RFC3: variants seen among roughly 807,000 people sequenced by gnomAD.
The protein encoded by RFC3 is replication factor C subunit 3, also known as A1 38 kDa subunit.
RFC3 carries 41 observed loss-of-function variants against 45.1 expected under a neutral mutation model. The observed-to-expected ratio is 0.91, with a 90% confidence interval of 0.71 to 1.18. The LOEUF is 1.18. RFC3 is among the 50% of genes most tolerant of loss of function. RFC3 has a pLI of 0.00. For missense variants in RFC3, 423 were observed against 428.1 expected, an observed-to-expected ratio of 0.99 and a Z score of 0.10; for synonymous variants, 149 against 144.0, an observed-to-expected ratio of 1.03 and a Z score of -0.25.
At chr13:33,820,096 C>T (rs3135549) in intron 1 of RFC3, among the ~76,000 whole-genome samples, 33,428 of 152,126 alleles carry the variant, frequency 0.22, 5,718 homozygotes, top group African/African-American at 0.45. Context: ...CCTTACAAGA[C>T]TTTATGCTCC....
At chr13:33,888,495 G>A (rs1210342108) in intron 8 of RFC3, among the ~76,000 whole-genome samples, 2 of 152,154 alleles carry the variant, frequency 1.3e-5, no homozygotes, top group Non-Finnish European at 2.9e-5. Flanking sequence ...AAGTGCGGAA[G>A]CCGAGTAGCC....
chr13:33,899,020 C>G (rs2137660534), intron 8 of RFC3, among the ~76,000 whole-genome samples: 1 of 151,368 alleles, frequency 6.6e-6, no homozygotes. Flanking sequence ...AAAAAGTCTC[C>G]CATCAAATAA....
At chr13:33,874,355 T>C (rs559453675) in intron 8 of RFC3, among the ~76,000 whole-genome samples, 1 of 152,318 alleles carries the variant, frequency 6.6e-6, no homozygotes, top group East Asian at 1.9e-4. Context: ...TCTCACTCTG[T>C]TATCCAGGCT....
chr13:33,950,713 C>T (rs765555143), intron 8 of RFC3, among the ~76,000 whole-genome samples: 1 of 152,204 alleles, frequency 6.6e-6, no homozygotes, highest in Non-Finnish European at 1.5e-5. Context: ...TTGCCTGAAG[C>T]AAGATCTGGA....
intron 8 of RFC3, among the ~76,000 whole-genome samples, chr13:33,905,096 A>G (rs994629718): frequency 3.9e-5 from 6 of 152,052 alleles, no homozygotes; most frequent in African/African-American, 1.2e-4. Context: ...GGTACTGGGT[A>G]TACGAGTGCA....
intron 8 of RFC3, chr13:33,848,652 A>G (rs1455582343): frequency 1.3e-5 from 2 of 152,018 alleles, no homozygotes; most frequent in Non-Finnish European, 2.9e-5. Context: ...TTGTAGATGG[A>G]TGTTGCTTTC....
intron 8 of RFC3, among the ~76,000 whole-genome samples, chr13:33,932,725 T>A (rs1434496948): frequency 6.6e-6 from 1 of 152,186 alleles, no homozygotes; most frequent in African/African-American, 2.4e-5. Flanking sequence ...ATGGTCCACA[T>A]GCATAAACCA....
chr13:33,855,595 A>G (rs1379661387), intron 8 of RFC3, among the ~76,000 whole-genome samples: 1 of 152,220 alleles, frequency 6.6e-6, no homozygotes, highest in East Asian at 1.9e-4. Flanking sequence ...TCCCACCAGC[A>G]GTGTATAAGC....
At chr13:33,940,211 T>G (rs1016779493) in intron 8 of RFC3, among the ~76,000 whole-genome samples, 13 of 152,218 alleles carry the variant, frequency 8.5e-5, no homozygotes, top group African/African-American at 2.7e-4. Context: ...TTTAATATGT[T>G]AATCAAATGT....
intron 8 of RFC3, among the ~76,000 whole-genome samples, chr13:33,923,027 A>C (rs1443562139): frequency 6.6e-6 from 1 of 152,140 alleles, no homozygotes; most frequent in Non-Finnish European, 1.5e-5. Context: ...CCATTTATTA[A>C]AGTTTAAGAA....
downstream of RFC3, among the ~76,000 whole-genome samples, chr13:33,969,169 A>G (rs150357071): frequency 3.9e-5 from 6 of 152,350 alleles, no homozygotes; most frequent in Middle Eastern, 3.4e-3. Flanking sequence ...ATATTGTATC[A>G]CAGGTTCTTC....
At chr13:33,825,271 A>C (rs1190325687) in intron 3 of RFC3, among the ~76,000 whole-genome samples, 1 of 152,140 alleles carries the variant, frequency 6.6e-6, no homozygotes, top group Non-Finnish European at 1.5e-5. Flanking sequence ...TCTTAAACTC[A>C]ATTTGCTTAT....
chr13:33,900,230 G>A (rs1306441299), intron 8 of RFC3, among the ~76,000 whole-genome samples: 1 of 151,568 alleles, frequency 6.6e-6, no homozygotes, highest in Non-Finnish European at 1.5e-5. Context: ...AAGCAATCCC[G>A]AGAAAAAAGA....
chr13:33,857,455 G>A (rs2082314975), intron 8 of RFC3, among the ~76,000 whole-genome samples: 1 of 152,180 alleles, frequency 6.6e-6, no homozygotes, highest in Non-Finnish European at 1.5e-5. Flanking sequence ...GCAGAGCTCA[G>A]TGCAGGGTGT....
intron 8 of RFC3, among the ~76,000 whole-genome samples, chr13:33,910,494 C>G (rs2082697387): frequency 6.6e-6 from 1 of 152,068 alleles, no homozygotes. Context: ...CAACAGAGAA[C>G]AGTGTAACAA....
chr13:33,828,659 T>C (rs2082073863), intron 4 of RFC3, among the ~76,000 whole-genome samples: 1 of 152,206 alleles, frequency 6.6e-6, no homozygotes, highest in Admixed American at 6.5e-5. Context: ...TTCAGTCTCC[T>C]GGGACTACAG....
At position 33,887,474 on chromosome 13, in the gene RFC3, A is replaced by G. The variant is rs867287431; in HGVS notation, c.879+52257A>G. 5.0e-3 allele frequency among the ~76,000 whole-genome samples: 760 copies of G among 151,864 alleles called. 7 individuals carry two copies. Among genetic ancestry groups the G allele is most frequent in the African/African-American group, 0.018 (734 of 41,350 alleles). On this transcript the variant is annotated intron_variant, in intron 8 of 8. Transcript: ENST00000434425. Reference sequence around the variant, plus strand: ...GTTCATGTCCTTTGCCCACTTTTTGATGGTGTTGTTTGGTTTTTTCTTGTA... The same window carrying G: ...GTTCATGTCCTTTGCCCACTTTTTGGTGGTGTTGTTTGGTTTTTTCTTGTA...
rs564207888 is a variant in RFC3, at chr13:33,861,875, C to T, written c.879+26658C>T. ...CTGCAGAATACCCTTTGCAGTAAAA[C>T]TAACCCTGAAAATGTAAGAAATTGT... On this transcript the variant is annotated intron_variant, in intron 8 of 8. Coordinates refer to the RFC3 transcript ENST00000434425. Among the ~76,000 whole-genome samples, 3 of 152,220 alleles carry T rather than the reference C, an allele frequency of 2.0e-5. No homozygotes were observed. In the East Asian group the frequency reaches 5.8e-4, roughly 29 times the overall value.
chr13:33,924,683 T>C (rs1198992986), intron 8 of RFC3, among the ~76,000 whole-genome samples: 1 of 146,030 alleles, frequency 6.8e-6, no homozygotes, highest in Middle Eastern at 3.3e-3. Flanking sequence ...ATTATATATA[T>C]ATGTATACCA....
Sources: allele counts gnomAD v4.1 joint callset (sites outside exome capture counted in the v4.1 genomes callset), GRCh38; gene constraint gnomAD v4.1.1; transcripts MANE v1.5; gene names NCBI Gene and HGNC (gene_info 2026-07-23, HGNC 2026-07-21).